The following FNBP1L variants were observed in gnomAD, a reference collection of about 807,000 sequenced individuals.
FNBP1L encodes the protein formin binding protein 1 like.
A neutral mutation model predicts 91.2 loss-of-function variants in FNBP1L; 36 were observed. The observed-to-expected ratio is 0.39, with a 90% CI of 0.30 to 0.52. The LOEUF is 0.52. Ranked by LOEUF, FNBP1L falls within the 20% of genes least tolerant of loss-of-function variation. The probability of loss-of-function intolerance (pLI) is 0.66; values close to 1 mark genes in which losing one functional copy is unlikely to be tolerated. For missense variants in FNBP1L, 571 were observed against 732.1 expected, an observed-to-expected ratio of 0.78 and a Z score of 2.54; for synonymous variants, 242 against 237.0, an observed-to-expected ratio of 1.02 and a Z score of -0.19.
intron 9 of FNBP1L, among the ~76,000 whole-genome samples, chr1:93,535,821 T>TA (rs968276839): frequency 3.8e-4 from 55 of 144,064 alleles, no homozygotes; most frequent in Middle Eastern, 3.5e-3. Context: ...ATACTGGAAT[T>TA]AAAAAAAAAA....
chr1:93,542,635 T>TTA (rs1480506240), intron 11 of FNBP1L, among the ~76,000 whole-genome samples: 1 of 151,968 alleles, frequency 6.6e-6, no homozygotes, highest in Non-Finnish European at 1.5e-5. Flanking sequence ...TGACTCATTC[T>TTA]TACACATGGT....
In FNBP1L at chr1:93,511,681, AC is replaced by A. The variant is rs1458376945; in HGVS notation, c.141-10398del. On this transcript the variant is annotated intron_variant, in intron 2 of 16. Coordinates refer to ENST00000271234, the MANE Select transcript of FNBP1L (RefSeq NM_001164473.3). Reference sequence around the variant, plus strand: ...CTGGCAAATTGGATAAAGAGTCAAGACCCGGCCGGGTGCGGTGGCTCACGCC... The same window carrying A: ...CTGGCAAATTGGATAAAGAGTCAAGACCGGCCGGGTGCGGTGGCTCACGCC... Among the ~76,000 whole-genome samples, 21 of 149,296 alleles carry A rather than the reference AC, an allele frequency of 1.4e-4. No individual in the cohort carries two copies. In the East Asian group the frequency reaches 4.1e-3, roughly 29 times the overall value.
chr1:93,499,453 A>G lies in FNBP1L; in HGVS notation c.25-15A>G, dbSNP rs922840443. ...TTTAGACTTTTGAAAATGCATTTTTATCTTCCTTTTCCAGGATCAGTTCGA... is the reference window on the plus strand; with the variant it reads ...TTTAGACTTTTGAAAATGCATTTTTGTCTTCCTTTTCCAGGATCAGTTCGA... On this transcript the variant is annotated splice_polypyrimidine_tract_variant and intron_variant, in intron 1 of 16. Transcript: ENST00000271234. 22 of 1,521,398 alleles carry G rather than the reference A, an allele frequency of 1.4e-5. No homozygotes were observed. Among genetic ancestry groups the G allele is most frequent in the South Asian group, 6.1e-5 (5 of 82,100 alleles). 94.2% of individuals were successfully genotyped at this position (1,521,398 alleles called of 1,614,324 possible).
chr1:93,451,878 C>T (rs983782376), intron 1 of FNBP1L, among the ~76,000 whole-genome samples: 27 of 152,148 alleles, frequency 1.8e-4, no homozygotes, highest in Non-Finnish European at 5.9e-5. Context: ...TCTTGAACTC[C>T]TGACATTGTG....
At chr1:93,503,110 G>A (rs1389626209) in intron 2 of FNBP1L, among the ~76,000 whole-genome samples, 1 of 151,630 alleles carries the variant, frequency 6.6e-6, no homozygotes, top group East Asian at 1.9e-4. Context: ...CCATTCTCAC[G>A]CTGCTAATAA....
At chr1:93,548,907 A>T (rs192995655) in intron 14 of FNBP1L, among the ~76,000 whole-genome samples, 4 of 152,332 alleles carry the variant, frequency 2.6e-5, no homozygotes, top group Admixed American at 2.6e-4. Context: ...GTGTGAACTA[A>T]ACATGGATAT....
chr1:93,537,376 C>T (rs1013386803), intron 10 of FNBP1L, among the ~76,000 whole-genome samples: 1 of 151,886 alleles, frequency 6.6e-6, no homozygotes, highest in African/African-American at 2.4e-5. Context: ...CCTTCCCTCC[C>T]TTCCTTTCTC....
intron 2 of FNBP1L, among the ~76,000 whole-genome samples, chr1:93,506,808 T>A (rs1247368633): frequency 6.6e-6 from 1 of 152,106 alleles, no homozygotes; most frequent in African/African-American, 2.4e-5. Flanking sequence ...TTGTAATTTT[T>A]ACTGAAACTC....
intron 1 of FNBP1L, among the ~76,000 whole-genome samples, chr1:93,479,308 A>G (rs535825128): frequency 6.6e-6 from 1 of 152,366 alleles, no homozygotes; most frequent in East Asian, 1.9e-4. Context: ...CTTCTGAGGA[A>G]ACAGGGCAAG....
At chr1:93,537,404 AC>A (rs1278785278) in intron 10 of FNBP1L, among the ~76,000 whole-genome samples, 2 of 151,006 alleles carry the variant, frequency 1.3e-5, no homozygotes, top group Non-Finnish European at 3.0e-5. Flanking sequence ...CTCTCTTCTT[AC>A]CCCTCCTTCC....
chr1:93,550,954 T>C lies in FNBP1L; in HGVS notation c.1659T>C (p.Asn553=), dbSNP rs372577559. The C allele has an allele frequency of 5.1e-6, 8 of 1,582,390 alleles. No homozygotes were observed. The African/African-American group carries it at 5.4e-5, about 11-fold the overall frequency. ...CKAIYPFDGH[N]EGTLAMKEGE... ...GTGAAAACTCTCATCTAGGACATAA[T>C]GAAGGTACTCTAGCAATGAAAGAAG... The change falls in exon 16 of 17, where the codon AAT becomes AAC. Residue 553 remains asparagine (N), a synonymous_variant. Coordinates refer to ENST00000271234, the MANE Select transcript of FNBP1L (RefSeq NM_001164473.3).
At chr1:93,484,837 A>G (rs1669843184) in intron 1 of FNBP1L, among the ~76,000 whole-genome samples, 2 of 152,346 alleles carry the variant, frequency 1.3e-5, no homozygotes, top group East Asian at 3.9e-4. Flanking sequence ...GCTGAACAAT[A>G]GAGAGGCTAA....
chr1:93,477,262 A>G (rs1315853153), intron 1 of FNBP1L, among the ~76,000 whole-genome samples: 1 of 152,254 alleles, frequency 6.6e-6, no homozygotes, highest in Non-Finnish European at 1.5e-5. Flanking sequence ...GCTAATTATT[A>G]CAAAGTGAGT....
intron 1 of FNBP1L, among the ~76,000 whole-genome samples, chr1:93,468,832 A>G (rs1669185815): frequency 6.6e-6 from 1 of 152,222 alleles, no homozygotes; most frequent in African/African-American, 2.4e-5. Flanking sequence ...TAACCATTTT[A>G]GGAACTCCCA....
rs80261430 is a variant in FNBP1L at position 93,523,138 on chromosome 1, A to C, written c.195-206A>C. 4.3e-3 allele frequency among the ~76,000 whole-genome samples: 653 copies of C among 152,306 alleles called. 7 individuals carry two copies. The highest frequency in any genetic ancestry group is 0.015 in the African/African-American group (626 of 41,554). ...GACCCCAAATATCCCTTTACTAATA[A>C]ATGAAAGACTACTTGAAGATATACA... On this transcript the variant is annotated intron_variant, in intron 3 of 16. Transcript: ENST00000271234.
At chr1:93,454,520 T>C (rs1353172832) in intron 1 of FNBP1L, among the ~76,000 whole-genome samples, 1 of 152,248 alleles carries the variant, frequency 6.6e-6, no homozygotes, top group South Asian at 2.1e-4. Context: ...GTATTTATTT[T>C]AGCGCCGCTG....
At chr1:93,540,956 A>G (rs1557818778) in intron 10 of FNBP1L, 86 bp from the exon 11 acceptor site, 2 of 1,210,894 alleles carry the variant, frequency 1.7e-6, no homozygotes, top group Non-Finnish European at 2.3e-6. Flanking sequence ...TAGTATTGTG[A>G]AAAAGAATAG....
Position 93,554,113 on chromosome 1 carries a change from T to G in FNBP1L, c.*1697T>G, listed in dbSNP as rs1672501158. ...TGTATTACCTTTGCAGCTAGTAAAC[T>G]ATAAAGTTTAGATATTGAATCTCGT... is the stretch of plus-strand genomic sequence containing the variant. On this transcript the variant is annotated 3_prime_UTR_variant, in exon 17 of 17. Transcript: ENST00000271234. 1.3e-5 allele frequency: 2 copies of G among 152,796 alleles called. No individual in the cohort carries two copies. Among genetic ancestry groups the G allele is most frequent in the Middle Eastern group, 6.8e-3 (2 of 294 alleles). 9.5% of individuals were successfully genotyped at this position (152,796 alleles called of 1,614,324 possible). A position where few individuals can be genotyped will look rare whatever the true frequency, so the allele number is the denominator to read the frequency against.
intron 1 of FNBP1L, among the ~76,000 whole-genome samples, chr1:93,471,069 T>G (rs994884670): frequency 6.6e-6 from 1 of 152,216 alleles, no homozygotes; most frequent in African/African-American, 2.4e-5. Context: ...GCAGTGGTAC[T>G]TATTTACTCA....
Sources: allele counts gnomAD v4.1 joint callset (sites outside exome capture counted in the v4.1 genomes callset), GRCh38; gene constraint gnomAD v4.1.1; transcripts MANE v1.5; gene names NCBI Gene and HGNC (gene_info 2026-07-23, HGNC 2026-07-21).